The following CRYBG3 variants were observed in gnomAD, a reference collection of about 807,000 sequenced individuals.
CRYBG3 encodes very large A-kinase anchor protein.
CRYBG3 carries 127 observed loss-of-function variants against 244.2 expected under a neutral mutation model. The ratio of observed to expected loss-of-function variants is 0.52; its 90% CI spans 0.45 to 0.60. CRYBG3 has a LOEUF of 0.60. Among genes scored for constraint, CRYBG3 ranks in the 20% least tolerant of loss-of-function variants. The probability of loss-of-function intolerance (pLI) is 0.00; values close to 1 mark genes in which losing one functional copy is unlikely to be tolerated. For missense variants in CRYBG3, 3,325 were observed against 3,442.5 expected (o/e 0.97, Z 0.85); for synonymous variants, 1,132 against 1,195.8 (o/e 0.95, Z 1.10).
chr3:97,939,107 G>A (rs1477682745), intron 19 of CRYBG3, among the ~76,000 whole-genome samples: 1 of 151,982 alleles, frequency 6.6e-6, no homozygotes, highest in African/African-American at 2.4e-5. Context: ...GTGGTTCCTT[G>A]TTGGGGAAGA....
intron 1 of CRYBG3, among the ~76,000 whole-genome samples, chr3:97,829,281 G>C (rs1405322215): frequency 6.6e-6 from 1 of 152,170 alleles, no homozygotes; most frequent in Non-Finnish European, 1.5e-5. Context: ...TTGATATTTT[G>C]ACACTTTGTA....
At chr3:97,888,645 G>A (rs1019147094) in intron 9 of CRYBG3, among the ~76,000 whole-genome samples, 190 bp downstream of exon 9, 5 of 152,134 alleles carry the variant, frequency 3.3e-5, no homozygotes, top group Non-Finnish European at 7.4e-5. Flanking sequence ...TACTTGAGTG[G>A]CAGACTGTTC....
chr3:97,943,411 C>A lies in CRYBG3; in HGVS notation c.*97C>A. Reference sequence around the variant, plus strand: ...CGTGGAAAGGAAGCTACTGTCCTCACACTCCTGGATCACTGAGCAGAATGA... The same window carrying A: ...CGTGGAAAGGAAGCTACTGTCCTCAAACTCCTGGATCACTGAGCAGAATGA... On this transcript the variant is annotated 3_prime_UTR_variant, in exon 22 of 22. Transcript: ENST00000389622. 1.4e-6 allele frequency: 1 copy of A among 720,560 alleles called. No individual in the cohort carries two copies. Among genetic ancestry groups the A allele is most frequent in the Non-Finnish European group, 2.4e-6 (1 of 411,760 alleles). The allele number at this position is 720,560 out of a possible 1,614,324, so 44.6% of individuals were successfully genotyped here. A position where few individuals can be genotyped will look rare whatever the true frequency, so the allele number is the denominator to read the frequency against.
chr3:97,936,722 C>T (rs1332509832), intron 18 of CRYBG3, 63 bp from the exon 19 acceptor site: 3 of 1,566,560 alleles, frequency 1.9e-6, no homozygotes, highest in South Asian at 1.2e-5. Flanking sequence ...AGTGCAGATA[C>T]TTTTGATGAG....
In CRYBG3 at chr3:97,874,112, T is replaced by G. The variant is rs2039340424; in HGVS notation, c.2918T>G (p.Ile973Ser). 6.5e-7 allele frequency: 1 copy of G among 1,535,182 alleles called. No homozygotes were observed. Among genetic ancestry groups the G allele is most frequent in the Non-Finnish European group, 8.7e-7 (1 of 1,146,690 alleles). ...HTCVFHQSLD[I>S]CGTKKISGHS... ...TGTGTGTTTCATCAATCTTTGGATATTTGTGGGACTAAAAAGATTTCTGGT... is the reference window on the plus strand; with the variant it reads ...TGTGTGTTTCATCAATCTTTGGATAGTTGTGGGACTAAAAAGATTTCTGGT... Residue 973 changes from isoleucine (I) to serine (S), a missense_variant, in exon 4 of 22, where the codon ATT becomes AGT. Physicochemically the swap from Ile to Ser is moderately radical, Grantham distance 142 (BLOSUM62 -2). This residue lies in a region of CRYBG3 where 1,526 missense variants were observed against 1,443.2 expected (regional missense o/e 1.06). Transcript: ENST00000389622.
chr3:97,844,849 T>G (rs2038876697), intron 2 of CRYBG3, among the ~76,000 whole-genome samples: 1 of 152,230 alleles, frequency 6.6e-6, no homozygotes. Context: ...GATAATTTCA[T>G]TTTGGCATCT....
At chr3:97,859,030 A>G (rs1340043663) in intron 2 of CRYBG3, among the ~76,000 whole-genome samples, 1 of 152,172 alleles carries the variant, frequency 6.6e-6, no homozygotes, top group Non-Finnish European at 1.5e-5. Context: ...TAGGTAGGCA[A>G]AGTAGTGTAG....
At position 97,877,213 on chromosome 3, in the gene CRYBG3, C is replaced by T; in HGVS notation, c.6019C>T (p.Leu2007Phe). 2 of 1,613,958 alleles carry T rather than the reference C, an allele frequency of 1.2e-6. No homozygotes were observed. The highest frequency in any genetic ancestry group is 1.7e-5 in the Admixed American group (1 of 59,988). ...CTTTACTATATTATACGAAGAGCCC[C>T]TTCAAGAGGAGGACAAGTATGCTTC... is the stretch of plus-strand genomic sequence containing the variant. ...SSFTILYEEP[L>F]QEEDKYASAE... is the part of the protein sequence containing the mutation. Residue 2007 changes from leucine (L) to phenylalanine (F), a missense_variant, in exon 4 of 22, where the codon CTT becomes TTT. Leu to Phe is a conservative substitution (Grantham distance 22). Coordinates refer to ENST00000389622, the MANE Select transcript of CRYBG3 (RefSeq NM_153605.4).
rs1054280017 is a variant in CRYBG3, at chr3:97,915,533, A to G, written c.8115-77A>G. On this transcript the variant is annotated intron_variant, in intron 16 of 21. Coordinates refer to ENST00000389622, the MANE Select transcript of CRYBG3 (RefSeq NM_153605.4). Reference sequence around the variant, plus strand: ...CTTTCTATGCCCTACCCCTACCCCAATTCCCACAGCATGATAATGAGCCTA... The same window carrying G: ...CTTTCTATGCCCTACCCCTACCCCAGTTCCCACAGCATGATAATGAGCCTA... The G allele has an allele frequency of 8.0e-5, 118 of 1,482,684 alleles. No homozygotes were observed. In the African/African-American group the frequency reaches 1.3e-3, roughly 17 times the overall value. The allele number at this position is 1,482,684 out of a possible 1,614,324, so 91.8% of individuals were successfully genotyped here. A position where few individuals can be genotyped will look rare whatever the true frequency, so the allele number is the denominator to read the frequency against.
rs373682574 is a variant in CRYBG3, at chr3:97,944,834, A to C, written c.*1520A>C. The stretch of plus-strand genomic sequence containing the variant: ...TTTTAATTGTTTGAAATTTTTCTAG[A>C]GCCAAAGAAGCTCTTTAAAGAAGTT... On this transcript the variant is annotated 3_prime_UTR_variant, in exon 22 of 22. Transcript: ENST00000389622. 5.0e-4 allele frequency: 83 copies of C among 164,894 alleles called. No homozygotes were observed. Among genetic ancestry groups the C allele is most frequent in the African/African-American group, 1.7e-3 (70 of 42,076 alleles). 10.2% of individuals were successfully genotyped at this position (164,894 alleles called of 1,614,324 possible). A position where few individuals can be genotyped will look rare whatever the true frequency, so the allele number is the denominator to read the frequency against.
chr3:97,862,418 C>T (rs563362322), intron 2 of CRYBG3, among the ~76,000 whole-genome samples: 7 of 152,020 alleles, frequency 4.6e-5, no homozygotes, highest in East Asian at 3.9e-4. Flanking sequence ...CTTCAAGTGG[C>T]GACATAGGAT....
Position 97,850,180 on chromosome 3 carries a change from T to C in CRYBG3, c.216+6919T>C, listed in dbSNP as rs530155138. ...ACACCTGGGAATGAATCTAGTGTTTTATCTCCCTTCCCATTGAACTAAGGC... is the reference window on the plus strand; with the variant it reads ...ACACCTGGGAATGAATCTAGTGTTTCATCTCCCTTCCCATTGAACTAAGGC... On this transcript the variant is annotated intron_variant, in intron 2 of 21. Coordinates refer to ENST00000389622, the MANE Select transcript of CRYBG3 (RefSeq NM_153605.4). Among the ~76,000 whole-genome samples the C allele has an allele frequency of 2.8e-4, 42 of 152,284 alleles. No individual in the cohort carries two copies. In the South Asian group the frequency reaches 5.6e-3, roughly 20 times the overall value.
intron 1 of CRYBG3, among the ~76,000 whole-genome samples, chr3:97,824,899 A>G (rs2038558421): frequency 6.6e-6 from 1 of 152,184 alleles, no homozygotes; most frequent in Admixed American, 6.5e-5. Context: ...CCAGTTTATA[A>G]GCATACAAGG....
rs1351531777 is a variant in CRYBG3, at chr3:97,872,761, G to A, written c.1567G>A (p.Ala523Thr). 46 of 1,535,764 alleles carry A rather than the reference G, an allele frequency of 3.0e-5. No individual in the cohort carries two copies. The highest frequency in any genetic ancestry group is 3.9e-5 in the Non-Finnish European group (45 of 1,146,764). Reference protein sequence around the residue: ...LSAQDSQKNVAVREIRRETES... With the variant: ...LSAQDSQKNVTVREIRRETES... ...TGCCCAAGACTCACAGAAAAATGTG[G>A]CTGTTAGAGAAATCAGGCGAGAAAC... Residue 523 changes from alanine to threonine, a missense_variant, in exon 4 of 22, where the codon GCT becomes ACT. Physicochemically the swap from Ala to Thr is moderately conservative, Grantham distance 58. Coordinates refer to ENST00000389622, the MANE Select transcript of CRYBG3 (RefSeq NM_153605.4).
chr3:97,904,098 A>T (rs530669827), intron 15 of CRYBG3, among the ~76,000 whole-genome samples: 4 of 152,202 alleles, frequency 2.6e-5, no homozygotes, highest in African/African-American at 9.6e-5. Context: ...CCAAGGACTG[A>T]ATTTCTCCAA....
intron 19 of CRYBG3, among the ~76,000 whole-genome samples, chr3:97,940,546 A>G (rs992626817): frequency 1.8e-4 from 28 of 152,090 alleles, no homozygotes; most frequent in Middle Eastern, 3.4e-3. Flanking sequence ...TGTATCTTAA[A>G]ACTTCCAGGC....
In CRYBG3 at chr3:97,888,356, A is replaced by T. The variant is rs776919063; in HGVS notation, c.7305A>T (p.Pro2435=). 1.9e-5 allele frequency: 30 copies of T among 1,607,434 alleles called. No individual in the cohort carries two copies. The Admixed American group carries it at 5.0e-4, about 27-fold the overall frequency. Residue 2435 remains proline, a synonymous_variant, in exon 9 of 22, where the codon CCA becomes CCT. Coordinates refer to ENST00000389622, the MANE Select transcript of CRYBG3 (RefSeq NM_153605.4). ...TTTTATATAGTTGGCTTGCCTACCC[A>T]GATATTAATTTTAAGGGACAAGCTA... ...TVKSGVWLAY[P]DINFKGQATV...
Position 97,874,509 on chromosome 3 carries a change from T to C in CRYBG3, c.3315T>C (p.Pro1105=), listed in dbSNP as rs1209556048. ...CCTCTGTAACTAACCTGTTGTACCC[T>C]ACTACCTCTTATTTGGAATTTGAAA... ...EGTSVTNLLY[P]TTSYLEFETS... Residue 1105 remains proline, a synonymous_variant, in exon 4 of 22, where the codon CCT becomes CCC. Transcript: ENST00000389622. 1 of 1,534,784 alleles carries C rather than the reference T, an allele frequency of 6.5e-7. No individual in the cohort carries two copies. Among genetic ancestry groups the C allele is most frequent in the Non-Finnish European group, 8.7e-7 (1 of 1,146,362 alleles).
intron 19 of CRYBG3, 52 bp from the exon 20 acceptor site, chr3:97,941,096 T>A (rs2040223300): frequency 6.7e-7 from 1 of 1,481,792 alleles, no homozygotes; most frequent in Non-Finnish European, 9.2e-7. Context: ...CTGGAAGGAT[T>A]CATTTCCAGA....
Sources: allele counts gnomAD v4.1 joint callset (sites outside exome capture counted in the v4.1 genomes callset), GRCh38; gene constraint gnomAD v4.1.1; regional missense constraint gnomAD v4.1.1; transcripts MANE v1.5; gene names NCBI Gene and HGNC (gene_info 2026-07-23, HGNC 2026-07-21).